The following GPC5 variants were observed in gnomAD, a reference collection of about 807,000 sequenced individuals.
GPC5 encodes the protein glypican 5, also known as glypican-5.
In GPC5, 47 loss-of-function variants were observed where a neutral mutation model predicts 53.9. That is an observed-to-expected ratio of 0.87 (90% confidence interval 0.69 to 1.11). The LOEUF (loss-of-function observed/expected upper bound fraction) is 1.11. Ranked by LOEUF, GPC5 falls within the 50% of genes most tolerant of loss-of-function variation. The probability of loss-of-function intolerance (pLI) is 0.00; values close to 1 mark genes in which losing one functional copy is unlikely to be tolerated. For synonymous variants in GPC5, 286 were observed against 263.3 expected, an observed-to-expected ratio of 1.09 and a Z score of -0.84; for missense variants, 748 against 713.1, an observed-to-expected ratio of 1.05 and a Z score of -0.56.
rs923109500 is a variant in GPC5, at chr13:92,806,198, T to C, written c.1562-60084T>C. On this transcript the variant is annotated intron_variant, in intron 7 of 7. Coordinates refer to ENST00000377067, the MANE Select transcript of GPC5 (RefSeq NM_004466.6). ...ACCTTGCACTTTTATGTTACGGAGATGGCTTCTTTACTTAAATCTCATGTA... is the reference window on the plus strand; with the variant it reads ...ACCTTGCACTTTTATGTTACGGAGACGGCTTCTTTACTTAAATCTCATGTA... Among the ~76,000 whole-genome samples, 13 of 152,268 alleles carry C rather than the reference T, an allele frequency of 8.5e-5. No individual in the cohort carries two copies. The East Asian group carries it at 2.3e-3, about 27-fold the overall frequency.
At chr13:91,861,829 A>G (rs2039032917) in intron 5 of GPC5, among the ~76,000 whole-genome samples, 1 of 150,846 alleles carries the variant, frequency 6.6e-6, no homozygotes, top group Non-Finnish European at 1.5e-5. Flanking sequence ...TTAGTTGCAG[A>G]GCTTTTTTAC....
chr13:92,042,170 C>A (rs568432267), intron 6 of GPC5, among the ~76,000 whole-genome samples: 3 of 152,244 alleles, frequency 2.0e-5, no homozygotes, highest in Admixed American at 6.5e-5. Flanking sequence ...CCACTTCCCC[C>A]CATGCAGCCT....
intron 7 of GPC5, among the ~76,000 whole-genome samples, chr13:92,713,122 CAT>C (rs1305276925): frequency 3.9e-5 from 6 of 152,148 alleles, no homozygotes; most frequent in African/African-American, 1.4e-4. Flanking sequence ...CTTACACACA[CAT>C]GGAAGACCAT....
chr13:91,664,802 A>C (rs542984019), intron 2 of GPC5, among the ~76,000 whole-genome samples: 2 of 152,362 alleles, frequency 1.3e-5, no homozygotes, highest in African/African-American at 4.8e-5. Context: ...CAAAGATGAT[A>C]CTAAACTGGG....
At chr13:91,512,173 CTA>C (rs1885264282) in intron 2 of GPC5, among the ~76,000 whole-genome samples, 3 of 152,196 alleles carry the variant, frequency 2.0e-5, no homozygotes, top group South Asian at 4.1e-4. Flanking sequence ...AGAAATCGCT[CTA>C]TGTTTTACAT....
At chr13:91,642,215 C>T (rs1338895623) in intron 2 of GPC5, among the ~76,000 whole-genome samples, 1 of 152,134 alleles carries the variant, frequency 6.6e-6, no homozygotes, top group Non-Finnish European at 1.5e-5. Flanking sequence ...AATGCAGGCT[C>T]TTAAATATAC....
chr13:92,847,736 T>C (rs1878659734), intron 7 of GPC5, among the ~76,000 whole-genome samples: 1 of 152,144 alleles, frequency 6.6e-6, no homozygotes, highest in South Asian at 2.1e-4. Context: ...GATTTGTTTT[T>C]TGTATATAGC....
At chr13:91,738,042 G>A (rs2036851022) in intron 4 of GPC5, among the ~76,000 whole-genome samples, 1 of 151,410 alleles carries the variant, frequency 6.6e-6, no homozygotes, top group Non-Finnish European at 1.5e-5. Context: ...CTAGTGGGTA[G>A]TGAAGACAAA....
chr13:92,122,873 AAAG>A (rs1050732140), intron 6 of GPC5, among the ~76,000 whole-genome samples: 2 of 151,994 alleles, frequency 1.3e-5, no homozygotes, highest in African/African-American at 4.8e-5. Context: ...GCAACAAAAA[AAAG>A]CAATTTTTAC....
chr13:91,992,740 G>A (rs751106799), intron 6 of GPC5, among the ~76,000 whole-genome samples: 5 of 152,092 alleles, frequency 3.3e-5, no homozygotes, highest in Non-Finnish European at 5.9e-5. Flanking sequence ...ACAGGTATAA[G>A]CCACCATGCC....
intron 7 of GPC5, among the ~76,000 whole-genome samples, chr13:92,748,511 C>T (rs544892755): frequency 7.8e-4 from 118 of 151,442 alleles, no homozygotes; most frequent in African/African-American, 1.9e-3. Flanking sequence ...TTTGTAGAGA[C>T]GGGGTTTCAC....
chr13:92,691,978 T>C (rs115151798), intron 7 of GPC5, among the ~76,000 whole-genome samples: 170 of 152,290 alleles, frequency 1.1e-3, no homozygotes, highest in African/African-American at 4.0e-3. Flanking sequence ...ATTAACCAGA[T>C]GGTGAGCATA....
At chr13:92,694,369 T>TC (rs1292783583) in intron 7 of GPC5, among the ~76,000 whole-genome samples, 2 of 152,116 alleles carry the variant, frequency 1.3e-5, no homozygotes, top group Non-Finnish European at 2.9e-5. Context: ...CCTCAGGTGC[T>TC]CATTGCCAGC....
At chr13:92,058,199 T>C (rs2041092123) in intron 6 of GPC5, among the ~76,000 whole-genome samples, 1 of 152,198 alleles carries the variant, frequency 6.6e-6, no homozygotes, top group Admixed American at 6.5e-5. Flanking sequence ...ATTTTTAATT[T>C]TTATTTTTTT....
At chr13:92,301,477 C>T (rs1162037634) in intron 7 of GPC5, among the ~76,000 whole-genome samples, 2 of 152,198 alleles carry the variant, frequency 1.3e-5, no homozygotes, top group Non-Finnish European at 2.9e-5. Context: ...AAAATACCGA[C>T]TCTTCATTTA....
At chr13:92,835,158 A>G (rs1878181266) in intron 7 of GPC5, among the ~76,000 whole-genome samples, 1 of 152,082 alleles carries the variant, frequency 6.6e-6, no homozygotes, top group Non-Finnish European at 1.5e-5. Flanking sequence ...TCCCACATGA[A>G]TAATTTTTTC....
At chr13:92,382,901 G>A (rs562102643) in intron 7 of GPC5, among the ~76,000 whole-genome samples, 1 of 151,764 alleles carries the variant, frequency 6.6e-6, no homozygotes, top group African/African-American at 2.4e-5. Flanking sequence ...TACTCGGGAG[G>A]CTGAGGCAGG....
At position 92,703,064 on chromosome 13, in the gene GPC5, T is replaced by A. The variant is rs1029925294; in HGVS notation, c.1562-163218T>A. On this transcript the variant is annotated intron_variant, in intron 7 of 7. Transcript: ENST00000377067. ...CTGGCATATATATATATTTATTTAT[T>A]TATTTATTTATTTATTTATTTATTT... Among the ~76,000 whole-genome samples the A allele has an allele frequency of 1.0e-4, 15 of 150,310 alleles. No individual in the cohort carries two copies. The East Asian group carries it at 1.6e-3, about 16-fold the overall frequency.
chr13:91,706,546 T>A (rs1353576450), intron 3 of GPC5, among the ~76,000 whole-genome samples: 2 of 152,148 alleles, frequency 1.3e-5, no homozygotes, highest in Non-Finnish European at 2.9e-5. Context: ...AGAGTCATAT[T>A]TTTAATTTTT....
Sources: gnomAD v4.1 joint callset for allele counts (sites outside exome capture counted in the v4.1 genomes callset) on GRCh38, gnomAD v4.1.1 for gene constraint, MANE v1.5 for transcripts, NCBI Gene and HGNC (gene_info 2026-07-23, HGNC 2026-07-21) for gene names.